The following STAT5B variants were observed in gnomAD, a reference collection of about 807,000 sequenced individuals.
STAT5B encodes the protein transcription factor STAT5B.
STAT5B carries 21 observed loss-of-function variants against 107.8 expected under a neutral mutation model. That is an observed-to-expected ratio of 0.19 (90% confidence interval 0.14 to 0.28). The LOEUF (loss-of-function observed/expected upper bound fraction) is 0.28. Ranked by LOEUF, STAT5B falls within the 10% of genes least tolerant of loss-of-function variation. The pLI is 1.00. For synonymous variants in STAT5B, 325 were observed against 401.7 expected (o/e 0.81, Z 2.28); for missense variants, 565 against 1,008.2 (o/e 0.56, Z 5.95).
chr17:42,227,110 G>C (rs1396890449), intron 3 of STAT5B, among the ~76,000 whole-genome samples: 14 of 141,584 alleles, frequency 9.9e-5, no homozygotes, highest in African/African-American at 3.7e-4. Context: ...ACTCCAGCCT[G>C]GGCGACAGAG....
chr17:42,219,508 C>A (rs2080205221), intron 6 of STAT5B, 45 bp from the exon 7 acceptor site: 2 of 1,206,972 alleles, frequency 1.7e-6, no homozygotes, highest in Non-Finnish European at 2.3e-6. Flanking sequence ...TCCCAGAGAA[C>A]ACCGCAGGGC....
Position 42,231,991 on chromosome 17 carries a change from T to C in STAT5B, c.128+9A>G, listed in dbSNP as rs1369946889. ...ACAAAATATGATGCAAACATCCTTG[T>C]TCACCTACCATGCTTGGCTTTCAAT... On this transcript the variant is annotated intron_variant, in intron 2 of 18. Transcript: ENST00000293328. 2 of 1,613,794 alleles carry C rather than the reference T, an allele frequency of 1.2e-6. No homozygotes were observed. The highest frequency in any genetic ancestry group is 1.7e-6 in the Non-Finnish European group (2 of 1,179,778).
chr17:42,269,972 G>A (rs2080708601), intron 1 of STAT5B, among the ~76,000 whole-genome samples: 1 of 152,172 alleles, frequency 6.6e-6, no homozygotes, highest in Admixed American at 6.5e-5. Flanking sequence ...CACTTCGGAA[G>A]GCCAAGGCAG....
At chr17:42,267,910 A>G (rs2080687826) in intron 1 of STAT5B, among the ~76,000 whole-genome samples, 1 of 151,338 alleles carries the variant, frequency 6.6e-6, no homozygotes. Context: ...GTGATCCGAG[A>G]TCACGCCACT....
At chr17:42,261,069 C>T (rs757563062) in intron 1 of STAT5B, among the ~76,000 whole-genome samples, 11 of 151,992 alleles carry the variant, frequency 7.2e-5, no homozygotes, top group East Asian at 1.9e-4. Context: ...CCACCACGCC[C>T]GGCTAATTTT....
chr17:42,269,087 T>G (rs1224050340), intron 1 of STAT5B, among the ~76,000 whole-genome samples: 3 of 152,180 alleles, frequency 2.0e-5, no homozygotes, highest in Non-Finnish European at 4.4e-5. Flanking sequence ...TTTATTTATT[T>G]TTTTGAGATG....
At chr17:42,255,290 G>A (rs954128374) in intron 1 of STAT5B, among the ~76,000 whole-genome samples, 1 of 152,162 alleles carries the variant, frequency 6.6e-6, no homozygotes, top group Non-Finnish European at 1.5e-5. Context: ...ACTAATCTTT[G>A]CTATTACTCT....
At chr17:42,214,720 G>A (rs530944534) in intron 12 of STAT5B, 40 of 882,912 alleles carry the variant, frequency 4.5e-5, no homozygotes, top group Non-Finnish European at 4.5e-5. Context: ...ATCTCTATTG[G>A]AAATATGTAA....
In STAT5B at chr17:42,206,556, G is replaced by A. The variant is rs141829755; in HGVS notation, c.2077+1002C>T. ...AATCTCTAGATGAGAGATGTTGTGT[G>A]GTATCTGTTTTTTTGTTTTCTTTTC... On this transcript the variant is annotated intron_variant, in intron 16 of 18. Coordinates refer to ENST00000293328, the MANE Select transcript of STAT5B (RefSeq NM_012448.4). 1.4e-3 allele frequency among the ~76,000 whole-genome samples: 208 copies of A among 152,252 alleles called. 2 individuals carry two copies. The highest frequency in any genetic ancestry group is 3.9e-3 in the East Asian group (20 of 5,188).
intron 1 of STAT5B, among the ~76,000 whole-genome samples, chr17:42,260,917 C>CTTTTTTTTTTTTTTTTTTTTTT (rs11402155): frequency 7.0e-6 from 1 of 141,916 alleles, no homozygotes. Context: ...TATGTCTTAC[C>CTTTTTTTTTTTTTTTTTTTTTT]TTTTTTTTTT....
Position 42,262,864 on chromosome 17 carries a change from A to ATATG in STAT5B, c.-11+13383_-11+13384insCATA, listed in dbSNP as rs2080618191. The stretch of plus-strand genomic sequence containing the variant: ...CATATATATGTATATACACACATAT[A>ATATG]TGTGTGTGTATATATACACATATAT... On this transcript the variant is annotated intron_variant, in intron 1 of 18. Transcript: ENST00000293328. Among the ~76,000 whole-genome samples, 3 of 126,296 alleles carry ATATG rather than the reference A, an allele frequency of 2.4e-5. 1 individual carries two copies. The highest frequency in any genetic ancestry group is 8.7e-5 in the African/African-American group (3 of 34,334). The allele number at this position is 126,296 out of a possible 152,430, so 82.9% of individuals were successfully genotyped here.
At position 42,276,385 on chromosome 17, in the gene STAT5B, G is replaced by A. The variant is rs891594690; in HGVS notation, c.-148C>T. 3.4e-5 allele frequency: 5 copies of A among 146,890 alleles called. No homozygotes were observed. The highest frequency in any genetic ancestry group is 9.8e-5 in the African/African-American group (4 of 40,838). The allele number at this position is 146,890 out of a possible 1,614,324, so 9.1% of individuals were successfully genotyped here. On this transcript the variant is annotated 5_prime_UTR_variant, in exon 1 of 19. Coordinates refer to ENST00000293328, the MANE Select transcript of STAT5B (RefSeq NM_012448.4). This position sits in a 1 kb window ranked among gnomAD's most constrained non-coding sequence, Gnocchi z 4.8. Reference sequence around the variant, plus strand: ...GGTCCCCGCCCGGGGTGACGGCTCCGGCCGCCGACTCTCCTCCCGCCGGGG... The same window carrying A: ...GGTCCCCGCCCGGGGTGACGGCTCCAGCCGCCGACTCTCCTCCCGCCGGGG...
chr17:42,288,156 G>C, the STAT5B span: 2 of 152,370 alleles, frequency 1.3e-5, no homozygotes, highest in Non-Finnish European at 2.9e-5. The surrounding 1 kb of genome is among the most constrained non-coding windows in gnomAD (Gnocchi z 4.8). Flanking sequence ...GCCCAGGTTT[G>C]GGATTTCCAG....
intron 1 of STAT5B, among the ~76,000 whole-genome samples, chr17:42,251,598 CAT>C (rs2080500335): frequency 6.6e-6 from 1 of 151,962 alleles, no homozygotes; most frequent in Admixed American, 6.6e-5. Context: ...TACCTGTTCA[CAT>C]GATACCTATA....
intron 1 of STAT5B, among the ~76,000 whole-genome samples, chr17:42,245,968 A>G (rs191237274): frequency 5.2e-4 from 79 of 152,272 alleles, no homozygotes; most frequent in Admixed American, 1.4e-3. Context: ...CTGTAGACAC[A>G]TTTTTTTAGA....
chr17:42,275,223 A>G (rs2080754925), intron 1 of STAT5B: 1 of 152,184 alleles, frequency 6.6e-6, no homozygotes. Context: ...GTTCCTTTCC[A>G]GCTCTAACAT....
Position 42,253,751 on chromosome 17 carries a change from T to C in STAT5B, c.-10-21614A>G, listed in dbSNP as rs968586635. Among the ~76,000 whole-genome samples the C allele has an allele frequency of 3.3e-5, 5 of 151,994 alleles. 1 individual carries two copies. The East Asian group carries it at 7.7e-4, about 24-fold the overall frequency. On this transcript the variant is annotated intron_variant, in intron 1 of 18. Coordinates refer to ENST00000293328, the MANE Select transcript of STAT5B (RefSeq NM_012448.4). ...AGAGCAGTGGCATGAACACAACTCA[T>C]TGCAGCCTGTGACTCCTGGCCTCAA...
In STAT5B at chr17:42,231,951, A is replaced by G. The variant is rs951566835; in HGVS notation, c.128+49T>C. The G allele has an allele frequency of 1.9e-6, 3 of 1,611,674 alleles. No individual in the cohort carries two copies. In the African/African-American group the frequency reaches 4.0e-5, roughly 22 times the overall value. On this transcript the variant is annotated intron_variant, in intron 2 of 18. Coordinates refer to ENST00000293328, the MANE Select transcript of STAT5B (RefSeq NM_012448.4). ...ATGACATCTTTCTAAACAAACTCCA[A>G]TATTCTTGTGTTTCACAAAATATGA...
intron 1 of STAT5B, among the ~76,000 whole-genome samples, chr17:42,266,357 A>C (rs1408499370): frequency 6.6e-6 from 1 of 151,604 alleles, no homozygotes; most frequent in Non-Finnish European, 1.5e-5. Flanking sequence ...GTGAGACCCC[A>C]CTCTTTAAAA....
Sources: allele counts gnomAD v4.1 joint callset (sites outside exome capture counted in the v4.1 genomes callset), GRCh38; gene constraint gnomAD v4.1.1; non-coding constraint Gnocchi (gnomAD v3.1); transcripts MANE v1.5; gene names NCBI Gene and HGNC (gene_info 2026-07-23, HGNC 2026-07-21).